The following PLXNA2 variants were observed in gnomAD, a reference collection of about 807,000 sequenced individuals.
PLXNA2 encodes plexin-A2.
Under a neutral mutation model 193.5 loss-of-function variants are expected in PLXNA2, and 91 were observed. The ratio of observed to expected loss-of-function variants is 0.47; its 90% CI spans 0.40 to 0.56. The LOEUF is 0.56. PLXNA2 is among the 20% of genes least tolerant of loss of function. The pLI, the probability that PLXNA2 is intolerant of heterozygous loss-of-function variation, is 0.00. For synonymous variants in PLXNA2, 997 were observed against 1,027.3 expected (o/e 0.97, Z 0.56); for missense variants, 1,995 against 2,503.2 (o/e 0.80, Z 4.33).
intron 1 of PLXNA2, among the ~76,000 whole-genome samples, chr1:208,229,592 A>G (rs137901175): frequency 3.9e-5 from 6 of 152,328 alleles, no homozygotes; most frequent in African/African-American, 1.4e-4. Context: ...ATGATTTAGG[A>G]AGGATCCTGG....
At chr1:208,027,903 T>C (rs1296247327) in intron 31 of PLXNA2, 106 bp downstream of exon 31, 1 of 1,105,310 alleles carries the variant, frequency 9.0e-7, no homozygotes, top group East Asian at 2.7e-5. Context: ...CTCATGGGCT[T>C]CTGACTCCCT....
chr1:208,034,506 G>A lies in PLXNA2; in HGVS notation c.4851C>T (p.Ser1617=), dbSNP rs755475966. 1 of 1,612,636 alleles carries A rather than the reference G, an allele frequency of 6.2e-7. No individual in the cohort carries two copies. The highest frequency in any genetic ancestry group is 1.7e-5 in the Admixed American group (1 of 60,024). ...CGTGGTTCTCACCGTATCTGCTGAT[G>A]GACGTCCGGGAGATGCTGGCAGAGG... ...IPASASISRT[S]ISRYDSSFRY... The change falls in exon 27 of 32, where the codon TCC becomes TCT. Residue 1617 remains serine (S), a synonymous_variant. Transcript: ENST00000367033.
chr1:208,087,236 A>C (rs72739492), intron 9 of PLXNA2, among the ~76,000 whole-genome samples: 1 of 152,194 alleles, frequency 6.6e-6, no homozygotes, highest in Non-Finnish European at 1.5e-5. Flanking sequence ...GGACCAAAAA[A>C]AGTATACTTT....
chr1:208,077,210 T>C (rs552936848), intron 12 of PLXNA2, among the ~76,000 whole-genome samples: 4 of 152,264 alleles, frequency 2.6e-5, no homozygotes, highest in East Asian at 3.9e-4. Context: ...TCTCCAAAGA[T>C]GCTCCTTCAT....
intron 1 of PLXNA2, among the ~76,000 whole-genome samples, chr1:208,225,751 T>G (rs1671489227): frequency 6.6e-6 from 1 of 152,172 alleles, no homozygotes; most frequent in Admixed American, 6.5e-5. Flanking sequence ...CCAGGTGATG[T>G]AAAGAGACAT....
rs138766213 is a variant in PLXNA2 at position 208,045,922 on chromosome 1, T to C, written c.3451A>G (p.Thr1151Ala). ...CCTGGCTTTTGATCCAAGACTCCAG[T>C]AGGGCTAAGCAGTTCAAAGGTCGGG... ...PNPTFELLSP[T>A]GVLDQKPGSP... The change falls in exon 18 of 32, where the codon ACT becomes GCT. Residue 1151 changes from threonine (T) to alanine (A), a missense_variant. Thr to Ala is a moderately conservative substitution (Grantham distance 58, BLOSUM62 0). Coordinates refer to ENST00000367033, the MANE Select transcript of PLXNA2 (RefSeq NM_025179.4). 1,626 of 1,614,228 alleles carry C rather than the reference T, an allele frequency of 1.0e-3. 1 individual carries two copies. The highest frequency in any genetic ancestry group is 1.3e-3 in the Non-Finnish European group (1,496 of 1,180,014).
intron 3 of PLXNA2, among the ~76,000 whole-genome samples, chr1:208,178,072 C>T (rs1669713825): frequency 1.3e-5 from 2 of 152,186 alleles, no homozygotes; most frequent in Admixed American, 1.3e-4. Flanking sequence ...AGCACAGCCT[C>T]TGCCATTCTA....
chr1:208,233,332 C>CT (rs1198619308), intron 1 of PLXNA2, among the ~76,000 whole-genome samples: 3 of 152,182 alleles, frequency 2.0e-5, no homozygotes, highest in Admixed American at 1.3e-4. Context: ...AGGAACGTAT[C>CT]TTTTTTTCTT....
intron 4 of PLXNA2, among the ~76,000 whole-genome samples, chr1:208,135,725 A>AT (rs2102473587): frequency 6.6e-6 from 1 of 152,220 alleles, no homozygotes; most frequent in East Asian, 1.9e-4. Context: ...CGTCTTTCTT[A>AT]TCTGGGGTCA....
At chr1:208,226,000 G>A (rs1002748098) in intron 1 of PLXNA2, among the ~76,000 whole-genome samples, 2 of 152,188 alleles carry the variant, frequency 1.3e-5, no homozygotes, top group Non-Finnish European at 2.9e-5. Flanking sequence ...CATGGTTCAG[G>A]AATTGTTCTT....
rs150491564 is a variant in PLXNA2, at chr1:208,144,379, G to A, written c.1372-1916C>T. Among the ~76,000 whole-genome samples the A allele has an allele frequency of 1.3e-3, 192 of 152,326 alleles. 1 individual carries two copies. The highest frequency in any genetic ancestry group is 4.3e-3 in the African/African-American group (178 of 41,570). On this transcript the variant is annotated intron_variant, in intron 3 of 31. Transcript: ENST00000367033. ...TATTTCTCTACTGTCCTGAGAATCT[G>A]CATCCTTGAGGAGCTTGAACCAGGG...
intron 1 of PLXNA2, among the ~76,000 whole-genome samples, chr1:208,231,001 A>G (rs1238993566): frequency 6.6e-6 from 1 of 152,046 alleles, no homozygotes; most frequent in African/African-American, 2.4e-5. Context: ...ATGTAGAGAC[A>G]CTCGGCCTGA....
chr1:208,235,654 A>G (rs1671828043), intron 1 of PLXNA2, among the ~76,000 whole-genome samples: 1 of 152,318 alleles, frequency 6.6e-6, no homozygotes, highest in East Asian at 1.9e-4. Context: ...GGGAAGGGCT[A>G]CAAGTGTGAA....
chr1:208,234,370 A>T (rs1671785882), intron 1 of PLXNA2, among the ~76,000 whole-genome samples: 1 of 152,216 alleles, frequency 6.6e-6, no homozygotes, highest in Non-Finnish European at 1.5e-5. Context: ...TTAGAAAGGA[A>T]AATCAAGGGC....
intron 3 of PLXNA2, among the ~76,000 whole-genome samples, chr1:208,166,780 A>G (rs953738352): frequency 2.6e-5 from 4 of 152,210 alleles, no homozygotes; most frequent in African/African-American, 4.8e-5. Flanking sequence ...GAGAGGGGAA[A>G]CACATATTGA....
chr1:208,157,343 G>T (rs959398435), intron 3 of PLXNA2, among the ~76,000 whole-genome samples: 1 of 152,088 alleles, frequency 6.6e-6, no homozygotes, highest in Non-Finnish European at 1.5e-5. Context: ...ATCTTTTATT[G>T]TAAGTCATCT....
At chr1:208,067,162 T>C (rs1665825885) in intron 12 of PLXNA2, among the ~76,000 whole-genome samples, 2 of 152,026 alleles carry the variant, frequency 1.3e-5, no homozygotes, top group Admixed American at 6.5e-5. Flanking sequence ...CTGAGCAACA[T>C]GGGGAAACGC....
chr1:208,031,753 G>A lies in PLXNA2; in HGVS notation c.5062C>T (p.Leu1688=), dbSNP rs1200087399. Residue 1688 remains leucine (L), a synonymous_variant, in exon 29 of 32, where the codon CTG becomes TTG. Coordinates refer to ENST00000367033, the MANE Select transcript of PLXNA2 (RefSeq NM_025179.4). ...AACAAGTCGTCCACAAACTTCTGCA[G>A]GGTGCCCTGGAGGAGGGGTGGGGGA... is the stretch of plus-strand genomic sequence containing the variant. ...LTRLLATKGT[L]QKFVDDLFET... 1 of 1,602,904 alleles carries A rather than the reference G, an allele frequency of 6.2e-7. No homozygotes were observed. The highest frequency in any genetic ancestry group is 1.7e-5 in the Admixed American group (1 of 59,524).
At chr1:208,079,235 T>C in intron 12 of PLXNA2, 25 bp downstream of exon 12, 1 of 1,583,224 alleles carries the variant, frequency 6.3e-7, no homozygotes, top group Non-Finnish European at 8.7e-7. Flanking sequence ...CACCCCTTCC[T>C]GCTCTAGAGA....
Sources: gnomAD v4.1 joint callset for allele counts (sites outside exome capture counted in the v4.1 genomes callset) on GRCh38, gnomAD v4.1.1 for gene constraint, MANE v1.5 for transcripts, NCBI Gene and HGNC (gene_info 2026-07-23, HGNC 2026-07-21) for gene names.